CBX1: variants seen among roughly 807,000 people sequenced by gnomAD.
CBX1 encodes the protein chromobox protein homolog 1.
In CBX1, 10 loss-of-function variants were observed where a neutral mutation model predicts 25.1. The observed-to-expected ratio is 0.40, with a 90% confidence interval of 0.25 to 0.68. The LOEUF is 0.68. CBX1 is among the 30% of genes least tolerant of loss of function. The pLI is 0.40. For missense variants in CBX1, 106 were observed against 218.5 expected (o/e 0.49, Z 3.25); for synonymous variants, 63 against 79.4 (o/e 0.79, Z 1.10).
intron 1 of CBX1, among the ~76,000 whole-genome samples, chr17:48,092,064 C>A (rs2063347162): frequency 7.1e-6 from 1 of 141,216 alleles, no homozygotes; most frequent in South Asian, 2.3e-4. Context: ...CATCTTGACT[C>A]ACCACAACCT....
In CBX1 at chr17:48,073,824, C is replaced by CAAAAAAAAAAAAAAAAAAAAAAAAAA. The variant is rs60857566; in HGVS notation, c.413+1181_413+1182insTTTTTTTTTTTTTTTTTTTTTTTTTT. ...CCTGGGCGAAAGAGTGAGACTGTCT[C>CAAAAAAAAAAAAAAAAAAAAAAAAAA]AAAAAAAAAAAAAAAAAAAAAGACA... On this transcript the variant is annotated intron_variant, in intron 4 of 4. Transcript: ENST00000225603. Among the ~76,000 whole-genome samples, 38 of 82,480 alleles carry CAAAAAAAAAAAAAAAAAAAAAAAAAA rather than the reference C, an allele frequency of 4.6e-4. 1 individual carries two copies. Among genetic ancestry groups the CAAAAAAAAAAAAAAAAAAAAAAAAAA allele is most frequent in the East Asian group, 6.6e-4 (2 of 3,016 alleles). 54.1% of individuals were successfully genotyped at this position (82,480 alleles called of 152,430 possible). A position where few individuals can be genotyped will look rare whatever the true frequency, so the allele number is the denominator to read the frequency against.
Position 48,096,517 on chromosome 17 carries a change from A to C in CBX1, c.-38+4751T>G, listed in dbSNP as rs534882723. The C allele has an allele frequency of 1.1e-5, 3 of 279,308 alleles. No homozygotes were observed. The East Asian group carries it at 5.2e-4, about 49-fold the overall frequency. The allele number at this position is 279,308 out of a possible 1,614,324, so 17.3% of individuals were successfully genotyped here. A position where few individuals can be genotyped will look rare whatever the true frequency, so the allele number is the denominator to read the frequency against. On this transcript the variant is annotated intron_variant, in intron 1 of 4. Transcript: ENST00000225603. ...CCAGGCATGGTGGCTCACACCTGCA[A>C]TCCCAGCACTTTGAGAGGCTGAGGT...
At chr17:48,077,578 C>T (rs1164033909) in intron 1 of CBX1, among the ~76,000 whole-genome samples, 1 of 151,802 alleles carries the variant, frequency 6.6e-6, no homozygotes. Context: ...GCATGAGCCA[C>T]CACGCCTGGC....
chr17:48,077,082 T>C (rs988730090), intron 1 of CBX1, 41 bp from the exon 2 acceptor site: 3 of 1,474,746 alleles, frequency 2.0e-6, no homozygotes, highest in Middle Eastern at 1.8e-4. Context: ...TAGGGAGCAC[T>C]CTTATTGGTT....
chr17:48,094,608 T>C (rs922915363), intron 1 of CBX1, among the ~76,000 whole-genome samples: 4 of 150,502 alleles, frequency 2.7e-5, no homozygotes, highest in Admixed American at 2.7e-4. Context: ...GGCGCACCTG[T>C]AGTCCCAGCT....
chr17:48,101,439 G>T lies in CBX1; in HGVS notation c.-209C>A. Reference sequence around the variant, plus strand: ...CCGGCCAACGGCCCTCCCCTCAGCCGAACAAAAGAGCCTCGCAGTCTGCGC... The same window carrying T: ...CCGGCCAACGGCCCTCCCCTCAGCCTAACAAAAGAGCCTCGCAGTCTGCGC... On this transcript the variant is annotated 5_prime_UTR_variant, in exon 1 of 5. Coordinates refer to ENST00000225603, the MANE Select transcript of CBX1 (RefSeq NM_001127228.2). 1.0e-6 allele frequency: 1 copy of T among 985,620 alleles called. No homozygotes were observed. The highest frequency in any genetic ancestry group is 1.2e-6 in the Non-Finnish European group (1 of 830,090). The allele number at this position is 985,620 out of a possible 1,614,324, so 61.1% of individuals were successfully genotyped here.
In CBX1 at chr17:48,074,998, C is replaced by T. The variant is rs140625114; in HGVS notation, c.413+8G>A. On this transcript the variant is annotated splice_region_variant and intron_variant, in intron 4 of 4. Transcript: ENST00000225603. ...AAAACAACCACACAGAGCCACTGGC[C>T]GACTCACCATTTCATCAGGAACATG... The T allele has an allele frequency of 8.1e-6, 13 of 1,598,672 alleles. No individual in the cohort carries two copies. The highest frequency in any genetic ancestry group is 1.7e-4 in the Middle Eastern group (1 of 6,016).
chr17:48,082,657 TC>T (rs1324553068), intron 1 of CBX1, among the ~76,000 whole-genome samples: 2 of 148,718 alleles, frequency 1.3e-5, no homozygotes, highest in African/African-American at 5.2e-5. Flanking sequence ...TTCCTTAGCC[TC>T]CCGAGTAGCT....
rs534510810 is a variant in CBX1, at chr17:48,089,262, G to A, written c.-38+12006C>T. On this transcript the variant is annotated intron_variant, in intron 1 of 4. Transcript: ENST00000225603. ...ACTACATGTGCCTGCCACCACGCCC[G>A]GCTAATTTTTTTGTATTTTTAGTAG... is the stretch of plus-strand genomic sequence containing the variant. Among the ~76,000 whole-genome samples, 86 of 151,024 alleles carry A rather than the reference G, an allele frequency of 5.7e-4. 1 individual carries two copies. The highest frequency in any genetic ancestry group is 5.9e-5 in the Non-Finnish European group (4 of 67,780).
At chr17:48,077,152 C>T (rs2037682167) in intron 1 of CBX1, 111 bp from the exon 2 acceptor site, 3 of 797,118 alleles carry the variant, frequency 3.8e-6, no homozygotes, top group Non-Finnish European at 5.8e-6. Flanking sequence ...TTGTATGCTG[C>T]TTATAGTAAG....
intron 1 of CBX1, among the ~76,000 whole-genome samples, chr17:48,079,162 G>T (rs2144437535): frequency 6.6e-6 from 1 of 151,382 alleles, no homozygotes; most frequent in South Asian, 2.1e-4. Flanking sequence ...CTGGAGTGCA[G>T]TGGCACAGTC....
At chr17:48,072,651 C>T (rs978242539) in intron 4 of CBX1, among the ~76,000 whole-genome samples, 1 of 152,006 alleles carries the variant, frequency 6.6e-6, no homozygotes, top group African/African-American at 2.4e-5. Flanking sequence ...GGTGTGGTGG[C>T]AGGCACCTGT....
At chr17:48,087,346 T>C (rs1177332583) in intron 1 of CBX1, among the ~76,000 whole-genome samples, 2 of 150,898 alleles carry the variant, frequency 1.3e-5, no homozygotes, top group African/African-American at 4.9e-5. Flanking sequence ...GGAGGCGAGG[T>C]GGGTGGATCA....
intron 2 of CBX1, 27 bp from the exon 3 acceptor site, chr17:48,076,205 C>T (rs771112739): frequency 1.1e-5 from 16 of 1,500,734 alleles, no homozygotes; most frequent in Middle Eastern, 1.8e-4. Flanking sequence ...CAGCAAGTCA[C>T]ACTTTCACTC....
chr17:48,076,738 TAAAC>T, intron 2 of CBX1, 123 bp downstream of exon 2: 1 of 793,326 alleles, frequency 1.3e-6, no homozygotes, highest in Non-Finnish European at 2.0e-6. Context: ...TATTCCTAAT[TAAAC>T]AATAAGCCAT....
In CBX1 at chr17:48,099,884, T is replaced by C. The variant is rs528873257; in HGVS notation, c.-38+1384A>G. 1.7e-4 allele frequency among the ~76,000 whole-genome samples: 26 copies of C among 152,246 alleles called. No homozygotes were observed. In the Middle Eastern group the frequency reaches 0.014, roughly 80 times the overall value. On this transcript the variant is annotated intron_variant, in intron 1 of 4. Coordinates refer to ENST00000225603, the MANE Select transcript of CBX1 (RefSeq NM_001127228.2). ...GGCCAGGCGCAGTGGCTCACGCCTATAATCCCAGCACTTTGGGAGGCCGAC... is the reference window on the plus strand; with the variant it reads ...GGCCAGGCGCAGTGGCTCACGCCTACAATCCCAGCACTTTGGGAGGCCGAC...
intron 1 of CBX1, among the ~76,000 whole-genome samples, chr17:48,085,387 C>T (rs1425073848): frequency 6.6e-6 from 1 of 152,124 alleles, no homozygotes; most frequent in African/African-American, 2.4e-5. Context: ...CCCTGTTGAA[C>T]ACATAAAACT....
chr17:48,100,678 C>G, intron 1 of CBX1: 1 of 974,852 alleles, frequency 1.0e-6, no homozygotes, highest in Non-Finnish European at 1.2e-6. Context: ...GAGTCAGGCC[C>G]AGCAAACGCC....
chr17:48,092,906 A>G (rs1171309309), intron 1 of CBX1, among the ~76,000 whole-genome samples: 1 of 152,010 alleles, frequency 6.6e-6, no homozygotes, highest in African/African-American at 2.4e-5. Flanking sequence ...CCCAGTCTCT[A>G]CTAAAAATAC....
Sources: gnomAD v4.1 joint callset for allele counts (sites outside exome capture counted in the v4.1 genomes callset) on GRCh38, gnomAD v4.1.1 for gene constraint, MANE v1.5 for transcripts, NCBI Gene and HGNC (gene_info 2026-07-23, HGNC 2026-07-21) for gene names.